DNAH17: variants seen among roughly 807,000 people sequenced by gnomAD.
DNAH17 encodes axonemal beta dynein heavy chain 17.
Under a neutral mutation model 485.6 loss-of-function variants are expected in DNAH17, and 376 were observed. The ratio of observed to expected loss-of-function variants is 0.77; its 90% CI spans 0.71 to 0.84. The LOEUF (loss-of-function observed/expected upper bound fraction) is 0.84, where lower values mean the gene tolerates loss of function less well. Ranked by LOEUF, DNAH17 falls within the 40% of genes least tolerant of loss-of-function variation. The pLI is 0.00. For synonymous variants in DNAH17, 3,031 were observed against 2,405.9 expected (o/e 1.26, Z -7.60); for missense variants, 6,370 against 5,839.3 (o/e 1.09, Z -2.96).
intron 48 of DNAH17, among the ~76,000 whole-genome samples, chr17:78,482,374 T>C (rs1416569936): frequency 1.3e-5 from 2 of 152,214 alleles, no homozygotes; most frequent in African/African-American, 4.8e-5. Context: ...GAAGTTGACG[T>C]CTGTTAGTTT....
At chr17:78,537,268 C>T in intron 19 of DNAH17, 31 bp downstream of exon 19, 2 of 1,545,772 alleles carry the variant, frequency 1.3e-6, no homozygotes, top group Non-Finnish European at 1.8e-6. Context: ...ATGGATGACC[C>T]TGTGTACGGC....
chr17:78,554,399 T>C (rs887925488), intron 14 of DNAH17, among the ~76,000 whole-genome samples: 1 of 115,268 alleles, frequency 8.7e-6, no homozygotes, highest in East Asian at 3.0e-4. Context: ...ATCGCACCAC[T>C]GCACTCCAGC....
At chr17:78,472,761 C>G (rs55655829) in intron 54 of DNAH17, 1 of 454,934 alleles carries the variant, frequency 2.2e-6, no homozygotes, top group Admixed American at 2.4e-5. Context: ...CCTCCCCCTC[C>G]GTTCTCCCTT....
At chr17:78,450,988 G>A (rs2087524314) in intron 66 of DNAH17, 142 bp from the exon 67 acceptor site, 2 of 1,063,054 alleles carry the variant, frequency 1.9e-6, no homozygotes, top group Admixed American at 2.4e-5. Context: ...AGGGGCTGCA[G>A]AAGCAGAGCC....
rs141260103 is a variant in DNAH17 at position 78,565,326 on chromosome 17, T to C, written c.1569+1288A>G. Among the ~76,000 whole-genome samples the C allele has an allele frequency of 2.5e-3, 380 of 152,386 alleles. 2 individuals are homozygous for C. The highest frequency in any genetic ancestry group is 8.4e-3 in the Admixed American group (128 of 15,308). On this transcript the variant is annotated intron_variant, in intron 11 of 80. Transcript: ENST00000389840. ...GAGGTGCTGTATTAATTTGCATTCA[T>C]TGATATTTTGCCTGGAACACCAACT... is the stretch of plus-strand genomic sequence containing the variant.
At chr17:78,562,338 C>A (rs775701159) in intron 11 of DNAH17, among the ~76,000 whole-genome samples, 4 of 152,130 alleles carry the variant, frequency 2.6e-5, no homozygotes, top group South Asian at 2.1e-4. Context: ...TATTCCAACA[C>A]TTTGAGGGGC....
intron 19 of DNAH17, among the ~76,000 whole-genome samples, chr17:78,534,093 G>A (rs1382146144): frequency 1.3e-5 from 2 of 152,202 alleles, no homozygotes; most frequent in African/African-American, 4.8e-5. Context: ...GCTCATCTGG[G>A]GGCATGCATA....
At position 78,525,787 on chromosome 17, in the gene DNAH17, C is replaced by A. The variant is rs77712571; in HGVS notation, c.3712-626G>T. ...CCCCAAATCTTTCCAGAAAATCCAG[C>A]CCGGGGCCCTAGGGAGAGAATGGCT... On this transcript the variant is annotated intron_variant, in intron 24 of 80. Transcript: ENST00000389840. Among the ~76,000 whole-genome samples the A allele has an allele frequency of 2.0e-5, 3 of 152,358 alleles. No individual in the cohort carries two copies. The East Asian group carries it at 5.8e-4, about 29-fold the overall frequency.
rs778703317 is a variant in DNAH17 at position 78,428,657 on chromosome 17, C to T, written c.12456G>A (p.Leu4152=). 42 of 1,613,860 alleles carry T rather than the reference C, an allele frequency of 2.6e-5. No homozygotes were observed. The highest frequency in any genetic ancestry group is 3.3e-5 in the Non-Finnish European group (39 of 1,179,912). ...TCTCTGCGTTGGGGTGCAGGCCATA[C>T]AGATAGGGACTCTCAGGGGGCAGGT... The part of the protein sequence containing the change: ...DENLPPESPY[L]YGLHPNAEIG... The change falls in exon 77 of 81, where the codon CTG becomes CTA. Residue 4152 remains leucine (L), a synonymous_variant. Coordinates refer to ENST00000389840, the MANE Select transcript of DNAH17 (RefSeq NM_173628.4).
chr17:78,466,325 T>A (rs1021722760), intron 56 of DNAH17, among the ~76,000 whole-genome samples: 1 of 152,180 alleles, frequency 6.6e-6, no homozygotes, highest in Non-Finnish European at 1.5e-5. Flanking sequence ...GTCCTCTGCC[T>A]AGGAAAACCA....
rs116557052 is a variant in DNAH17 at position 78,472,340 on chromosome 17, A to G, written c.8511+2938T>C. ...AGGGTTAGGGAATGGGGGTGCGAGG[A>G]TTAGGGTTAGGATTTGGGAGTGGCG... On this transcript the variant is annotated intron_variant, in intron 54 of 80. Transcript: ENST00000389840. Among the ~76,000 whole-genome samples the G allele has an allele frequency of 2.6e-3, 280 of 107,402 alleles. 1 individual carries two copies. The highest frequency in any genetic ancestry group is 0.01 in the African/African-American group (229 of 22,676). The allele number at this position is 107,402 out of a possible 152,430, so 70.5% of individuals were successfully genotyped here.
At chr17:78,544,791 ACT>A (rs921800012) in intron 16 of DNAH17, among the ~76,000 whole-genome samples, 2 of 104,264 alleles carry the variant, frequency 1.9e-5, no homozygotes, top group Admixed American at 1.2e-4. Context: ...ACAGAGCGAG[ACT>A]CAGTCTCAAA....
chr17:78,423,841 T>A lies in DNAH17; in HGVS notation c.*65A>T. On this transcript the variant is annotated 3_prime_UTR_variant, in exon 81 of 81. Coordinates refer to ENST00000389840, the MANE Select transcript of DNAH17 (RefSeq NM_173628.4). ...GTTCCTGTAAAGAATAAGTCACAGG[T>A]GCACAGGTGAAGGGCTGAGTTGTGG... is the stretch of plus-strand genomic sequence containing the variant. 1 of 1,586,888 alleles carries A rather than the reference T, an allele frequency of 6.3e-7. No homozygotes were observed. The highest frequency in any genetic ancestry group is 8.6e-7 in the Non-Finnish European group (1 of 1,162,220).
At position 78,544,800 on chromosome 17, in the gene DNAH17, C is replaced by CAAAAAAAAAAAAA. The variant is rs55669221; in HGVS notation, c.2392-816_2392-804dup. On this transcript the variant is annotated intron_variant, in intron 16 of 80. Coordinates refer to ENST00000389840, the MANE Select transcript of DNAH17 (RefSeq NM_173628.4). ...TGGGGCACAGAGCGAGACTCAGTCTCAAAAAAAAAAAAAAAAAAAAAAAAG... is the reference window on the plus strand; with the variant it reads ...TGGGGCACAGAGCGAGACTCAGTCTCAAAAAAAAAAAAAAAAAAAAAAAAAAAAAAAAAAAAAG... Among the ~76,000 whole-genome samples, 19 of 46,878 alleles carry CAAAAAAAAAAAAA rather than the reference C, an allele frequency of 4.1e-4. 1 individual carries two copies. The highest frequency in any genetic ancestry group is 1.2e-3 in the East Asian group (2 of 1,630). 30.8% of individuals were successfully genotyped at this position (46,878 alleles called of 152,430 possible). A position where few individuals can be genotyped will look rare whatever the true frequency, so the allele number is the denominator to read the frequency against.
At chr17:78,438,435 AGGAGGAGGAG>A (rs2086931319) in intron 73 of DNAH17, among the ~76,000 whole-genome samples, 5 of 74,694 alleles carry the variant, frequency 6.7e-5, no homozygotes, top group African/African-American at 1.2e-4. Context: ...AAGGAGGAGG[AGGAGGAGGAG>A]GGAGGAGGGA....
intron 19 of DNAH17, 93 bp downstream of exon 19, chr17:78,537,206 T>C (rs1450661715): frequency 1.5e-6 from 2 of 1,291,282 alleles, no homozygotes; most frequent in Non-Finnish European, 2.1e-6. Flanking sequence ...AAAGAAAAGG[T>C]AAACGGCGAA....
At chr17:78,455,876 G>C in intron 62 of DNAH17, 40 bp from the exon 63 acceptor site, 3 of 1,511,278 alleles carry the variant, frequency 2.0e-6, no homozygotes, top group Non-Finnish European at 2.7e-6. Context: ...ATTTGCACAA[G>C]TGAGGGGACT....
intron 75 of DNAH17, among the ~76,000 whole-genome samples, chr17:78,432,065 G>A (rs1446160722): frequency 6.6e-6 from 1 of 151,994 alleles, no homozygotes; most frequent in Non-Finnish European, 1.5e-5. Flanking sequence ...TGTAGTCCCA[G>A]CTACTTGAGA....
chr17:78,553,379 G>A (rs2091953174), intron 14 of DNAH17, among the ~76,000 whole-genome samples: 1 of 127,112 alleles, frequency 7.9e-6, no homozygotes, highest in East Asian at 2.7e-4. Flanking sequence ...TTGGCTCACT[G>A]CAATCTCTGC....
Sources: allele counts gnomAD v4.1 joint callset (sites outside exome capture counted in the v4.1 genomes callset), GRCh38; gene constraint gnomAD v4.1.1; transcripts MANE v1.5; gene names NCBI Gene and HGNC (gene_info 2026-07-23, HGNC 2026-07-21).